AAAS: variants seen among roughly 807,000 people sequenced by gnomAD.
AAAS encodes aladin WD repeat nucleoporin, also known as aladin.
Under a neutral mutation model 75.6 loss-of-function variants are expected in AAAS, and 60 were observed. The observed-to-expected ratio is 0.79, with a 90% CI of 0.64 to 0.98. The LOEUF is 0.98. Ranked by LOEUF, AAAS falls within the 50% of genes least tolerant of loss-of-function variation. The probability of loss-of-function intolerance (pLI) is 0.00; values close to 1 mark genes in which losing one functional copy is unlikely to be tolerated. For synonymous variants in AAAS, 271 were observed against 265.0 expected (o/e 1.02, Z -0.22); for missense variants, 658 against 686.9 (o/e 0.96, Z 0.47).
chr12:53,314,934 G>GT, intron 5 of AAAS, 85 bp from the exon 6 acceptor site: 6 of 1,497,628 alleles, frequency 4.0e-6, no homozygotes, highest in Non-Finnish European at 5.5e-6. Context: ...TAAGGACATG[G>GT]TTTTTTCCTA....
chr12:53,313,001 C>T (rs1350898049), intron 7 of AAAS, among the ~76,000 whole-genome samples: 3 of 151,260 alleles, frequency 2.0e-5, no homozygotes, highest in Non-Finnish European at 4.4e-5. Context: ...AGACTACAGG[C>T]GAGCACCACC....
In AAAS at chr12:53,308,085, G is replaced by A. The variant is rs757169475; in HGVS notation, c.1298C>T (p.Thr433Ile). 6.2e-7 allele frequency: 1 copy of A among 1,614,206 alleles called. No individual in the cohort carries two copies. The highest frequency in any genetic ancestry group is 1.1e-5 in the South Asian group (1 of 91,086). Residue 433 changes from threonine (T) to isoleucine (I), a missense_variant, in exon 14 of 16, where the codon ACT (threonine) becomes ATT (isoleucine). Transcript: ENST00000209873. ...DGKPVILLFR[T>I]RNSPVFELLP... is the part of the protein sequence containing the mutation. ...GAGCTCAAACACAGGGCTGTTTCGA[G>A]TGCGAAAAAGGAGGATGACTGGTTT... is the stretch of plus-strand genomic sequence containing the variant.
chr12:53,310,131 C>T (rs1022815339), intron 7 of AAAS, among the ~76,000 whole-genome samples: 13 of 152,340 alleles, frequency 8.5e-5, no homozygotes, highest in Middle Eastern at 3.4e-3. Flanking sequence ...TATGACATTA[C>T]TTCAAGGTTC....
chr12:53,313,607 C>A (rs2136809087), intron 7 of AAAS, among the ~76,000 whole-genome samples: 1 of 147,816 alleles, frequency 6.8e-6, no homozygotes, highest in African/African-American at 2.6e-5. Context: ...AGCCTTTATT[C>A]ATAATTTTTT....
chr12:53,310,274 T>C (rs1397894980), intron 7 of AAAS, among the ~76,000 whole-genome samples: 1 of 152,218 alleles, frequency 6.6e-6, no homozygotes, highest in Non-Finnish European at 1.5e-5. Flanking sequence ...ATAAAGATGC[T>C]GCAGGCTGGG....
chr12:53,307,815 C>T, intron 15 of AAAS, 30 bp downstream of exon 15: 2 of 1,613,812 alleles, frequency 1.2e-6, no homozygotes, highest in East Asian at 2.2e-5. Flanking sequence ...CATCCAACTC[C>T]TGGAAGCCCC....
intron 2 of AAAS, among the ~76,000 whole-genome samples, chr12:53,317,615 C>T (rs1944484726): frequency 6.6e-6 from 1 of 151,196 alleles, no homozygotes; most frequent in Non-Finnish European, 1.5e-5. Context: ...TGGTGGTGTG[C>T]ACCTGTAGTC....
chr12:53,315,176 C>T, intron 4 of AAAS, 36 bp from the exon 5 acceptor site: 1 of 1,612,834 alleles, frequency 6.2e-7, no homozygotes, highest in Non-Finnish European at 8.5e-7. Context: ...CACACTGGGG[C>T]AAAAGGAGTC....
chr12:53,318,480 TG>T (rs1944501887), intron 2 of AAAS, among the ~76,000 whole-genome samples: 1 of 152,066 alleles, frequency 6.6e-6, no homozygotes, highest in Non-Finnish European at 1.5e-5. Flanking sequence ...CCCAAAGTGC[TG>T]GGATTACAGG....
chr12:53,310,391 C>T (rs1565778724), intron 7 of AAAS, among the ~76,000 whole-genome samples: 1 of 152,170 alleles, frequency 6.6e-6, no homozygotes, highest in East Asian at 1.9e-4. Flanking sequence ...AACCCCGTCT[C>T]TACTAAAAGT....
intron 2 of AAAS, among the ~76,000 whole-genome samples, chr12:53,316,606 T>C (rs1359862934): frequency 7.1e-6 from 1 of 141,116 alleles, no homozygotes; most frequent in East Asian, 2.1e-4. Context: ...TTGAAAAATA[T>C]GAAAATTAGC....
At chr12:53,309,574 G>A (rs1279535935) in intron 8 of AAAS, 27 bp downstream of exon 8, 8 of 1,613,350 alleles carry the variant, frequency 5.0e-6, no homozygotes, top group Non-Finnish European at 6.8e-6. Flanking sequence ...GGACTGAAAT[G>A]TGCATGAGGG....
intron 2 of AAAS, among the ~76,000 whole-genome samples, chr12:53,319,201 CT>C (rs113552254): frequency 0.012 from 1,766 of 145,102 alleles, 24 homozygotes; most frequent in African/African-American, 0.032. Flanking sequence ...TTAAGTAACC[CT>C]TTTTTTTTTT....
Position 53,309,647 on chromosome 12 carries a change from C to G in AAAS, c.764G>C (p.Ser255Thr). Residue 255 changes from serine (S) to threonine (T), a missense_variant, in exon 8 of 16, where the codon AGT becomes ACT. Coordinates refer to ENST00000209873, the MANE Select transcript of AAAS (RefSeq NM_015665.6). Reference sequence around the variant, plus strand: ...TGAAGCTGAGAGCAGCCGCCCCCCACTGGGGGCCCAGGCCAAGCTGGTAAC... The same window carrying G: ...TGAAGCTGAGAGCAGCCGCCCCCCAGTGGGGGCCCAGGCCAAGCTGGTAAC... ...TPVTSLAWAP[S>T]GGRLLSASPV... The G allele has an allele frequency of 6.2e-7, 1 of 1,613,572 alleles. No homozygotes were observed. The highest frequency in any genetic ancestry group is 1.7e-5 in the Admixed American group (1 of 59,962).
chr12:53,312,877 G>C (rs1944412235), intron 7 of AAAS, among the ~76,000 whole-genome samples: 1 of 139,302 alleles, frequency 7.2e-6, no homozygotes, highest in Non-Finnish European at 1.5e-5. Context: ...TTTTTTTTGA[G>C]ACAGAGTCTT....
chr12:53,314,645 G>A (rs1243770862), intron 6 of AAAS, 106 bp downstream of exon 6: 2 of 1,358,716 alleles, frequency 1.5e-6, no homozygotes, highest in African/African-American at 1.4e-5. Context: ...GTTCTGGAAG[G>A]AGCCCCATGA....
chr12:53,320,166 A>G (rs1944531446), intron 2 of AAAS, among the ~76,000 whole-genome samples: 1 of 152,170 alleles, frequency 6.6e-6, no homozygotes, highest in African/African-American at 2.4e-5. Flanking sequence ...CCACTCCTAC[A>G]AGTGCAAAGT....
Position 53,320,553 on chromosome 12 carries a change from G to A in AAAS, c.251+12C>T. 1.2e-6 allele frequency: 2 copies of A among 1,613,502 alleles called. No individual in the cohort carries two copies. The highest frequency in any genetic ancestry group is 1.7e-6 in the Non-Finnish European group (2 of 1,179,914). On this transcript the variant is annotated intron_variant, in intron 2 of 15. Transcript: ENST00000209873. ...CAGACTGTGACCCAGGAAACCCTTT[G>A]CCATGCCTCACCAAATGTTGATGCA...
At chr12:53,308,894 G>A in intron 10 of AAAS, 66 bp downstream of exon 10, 1 of 1,612,970 alleles carries the variant, frequency 6.2e-7, no homozygotes, top group Non-Finnish European at 8.5e-7. Context: ...GGCCAGGTTT[G>A]GGAGCATCAG....
Sources: allele counts gnomAD v4.1 joint callset (sites outside exome capture counted in the v4.1 genomes callset), GRCh38; gene constraint gnomAD v4.1.1; transcripts MANE v1.5; gene names NCBI Gene and HGNC (gene_info 2026-07-23, HGNC 2026-07-21).